The following SLC14A2 variants were observed in gnomAD, a reference collection of about 807,000 sequenced individuals.
The protein encoded by SLC14A2 is solute carrier family 14 member 2.
In SLC14A2, 91 loss-of-function variants were observed where a neutral mutation model predicts 104.6. The observed-to-expected ratio is 0.87, with a 90% CI of 0.73 to 1.04. The LOEUF is 1.04. Ranked by LOEUF, SLC14A2 falls within the 50% of genes least tolerant of loss-of-function variation. The pLI is 0.00. For synonymous variants in SLC14A2, 476 were observed against 466.4 expected (o/e 1.02, Z -0.27); for missense variants, 1,189 against 1,156.0 (o/e 1.03, Z -0.41).
intron 1 of SLC14A2, among the ~76,000 whole-genome samples, chr18:45,411,380 A>T (rs1241883035): frequency 6.6e-6 from 1 of 152,228 alleles, no homozygotes; most frequent in Non-Finnish European, 1.5e-5. Context: ...ACACAAAGGA[A>T]TTAGCCTTAG....
At chr18:45,208,803 C>G (rs1440428787), upstream of SLC14A2, among the ~76,000 whole-genome samples, 1 of 151,666 alleles carries the variant, frequency 6.6e-6, no homozygotes, top group Non-Finnish European at 1.5e-5. Context: ...GAGAATCAAT[C>G]AGATAGAAAA....
At position 45,308,012 on chromosome 18, in the gene SLC14A2, G is replaced by A. The variant is rs79628501; in HGVS notation, c.-125+94821G>A. On this transcript the variant is annotated intron_variant, in intron 1 of 20. Transcript: ENST00000586448. ...CATCACATGGCAAGAATGGGAGCCC[G>A]AGAGAGATGAGAGAGGGGCCACGCT... is the stretch of plus-strand genomic sequence containing the variant. Among the ~76,000 whole-genome samples, 635 of 152,238 alleles carry A rather than the reference G, an allele frequency of 4.2e-3. 3 individuals carry two copies. Among genetic ancestry groups the A allele is most frequent in the African/African-American group, 0.015 (608 of 41,526 alleles).
chr18:45,258,003 T>C (rs1335365800), intron 1 of SLC14A2, among the ~76,000 whole-genome samples: 1 of 152,196 alleles, frequency 6.6e-6, no homozygotes, highest in East Asian at 1.9e-4. Flanking sequence ...TAGTCACAAC[T>C]GTCATGAGCA....
chr18:45,262,066 C>T (rs1039069807), intron 1 of SLC14A2, among the ~76,000 whole-genome samples: 36 of 152,228 alleles, frequency 2.4e-4, no homozygotes, highest in Admixed American at 3.9e-4. Context: ...CTCTCCAGCA[C>T]CTGTTGTTTC....
chr18:45,238,792 T>G (rs538517729), intron 1 of SLC14A2, among the ~76,000 whole-genome samples: 1 of 152,316 alleles, frequency 6.6e-6, no homozygotes, highest in Admixed American at 6.5e-5. Context: ...CACATTGTTG[T>G]TTCTAATTTC....
chr18:45,664,117 A>G (rs1271048743), intron 11 of SLC14A2, among the ~76,000 whole-genome samples: 2 of 152,142 alleles, frequency 1.3e-5, no homozygotes, highest in Non-Finnish European at 2.9e-5. Flanking sequence ...TGGGACAGGC[A>G]GTGAGATTCT....
chr18:45,335,024 T>C (rs541626370), intron 1 of SLC14A2, among the ~76,000 whole-genome samples: 21 of 152,254 alleles, frequency 1.4e-4, no homozygotes, highest in South Asian at 4.1e-4. Context: ...TTTAAACAGC[T>C]GTACAGAAGT....
At chr18:45,609,671 C>T (rs2044938374) in intron 2 of SLC14A2, among the ~76,000 whole-genome samples, 1 of 152,228 alleles carries the variant, frequency 6.6e-6, no homozygotes, top group Admixed American at 6.5e-5. Context: ...TCTCTCCTCT[C>T]TATTCTCTTG....
At chr18:45,382,522 C>T (rs183688780) in intron 1 of SLC14A2, among the ~76,000 whole-genome samples, 78 of 152,340 alleles carry the variant, frequency 5.1e-4, no homozygotes, top group African/African-American at 1.7e-3. Flanking sequence ...TCTGACTCTT[C>T]TGTAGTACTT....
At chr18:45,492,513 G>A (rs1320580027) in intron 2 of SLC14A2, among the ~76,000 whole-genome samples, 3 of 152,112 alleles carry the variant, frequency 2.0e-5, no homozygotes, top group South Asian at 2.1e-4. Flanking sequence ...TCACTATCAC[G>A]AAAACAGCAT....
intron 2 of SLC14A2, among the ~76,000 whole-genome samples, chr18:45,547,639 C>T (rs1019799742): frequency 2.6e-5 from 4 of 152,182 alleles, no homozygotes; most frequent in Non-Finnish European, 5.9e-5. Flanking sequence ...ATCTTGGGCT[C>T]ATTTAGTCTC....
chr18:45,422,630 G>A (rs1042605148), intron 1 of SLC14A2, among the ~76,000 whole-genome samples: 1 of 152,152 alleles, frequency 6.6e-6, no homozygotes, highest in African/African-American at 2.4e-5. Context: ...AACATGGACA[G>A]GTGAGGCCTC....
intron 1 of SLC14A2, among the ~76,000 whole-genome samples, chr18:45,293,685 G>A: frequency 6.6e-6 from 1 of 152,304 alleles, no homozygotes; most frequent in African/African-American, 2.4e-5. Flanking sequence ...GGGATTCCAG[G>A]TTTGTAAGAT....
chr18:45,484,643 C>A (rs1370912565), intron 2 of SLC14A2, among the ~76,000 whole-genome samples: 1 of 152,188 alleles, frequency 6.6e-6, no homozygotes, highest in African/African-American at 2.4e-5. Context: ...TTGTTCTCCA[C>A]TGGAAGTGGT....
chr18:45,556,123 C>T (rs1439100542), intron 2 of SLC14A2, among the ~76,000 whole-genome samples: 2 of 152,288 alleles, frequency 1.3e-5, no homozygotes, highest in East Asian at 3.9e-4. Flanking sequence ...GTTACATGCT[C>T]ATGTGGTGAA....
chr18:45,332,236 G>T (rs916303880), intron 1 of SLC14A2, among the ~76,000 whole-genome samples: 8 of 152,088 alleles, frequency 5.3e-5, no homozygotes, highest in African/African-American at 1.9e-4. Flanking sequence ...TACATCTGTA[G>T]ATTCAACCAA....
intron 2 of SLC14A2, among the ~76,000 whole-genome samples, chr18:45,571,838 A>G (rs575145047): frequency 1.3e-5 from 2 of 152,350 alleles, no homozygotes; most frequent in South Asian, 4.1e-4. Context: ...ACATTTTCTC[A>G]TTGAGTAAAA....
intron 1 of SLC14A2, among the ~76,000 whole-genome samples, chr18:45,366,702 C>G (rs1288579733): frequency 6.6e-6 from 1 of 152,182 alleles, no homozygotes; most frequent in Non-Finnish European, 1.5e-5. Context: ...ATCCCTCTCT[C>G]CCACTTCCTT....
chr18:45,447,993 A>G (rs1568210188), intron 1 of SLC14A2, among the ~76,000 whole-genome samples: 1 of 152,250 alleles, frequency 6.6e-6, no homozygotes, highest in African/African-American at 2.4e-5. Flanking sequence ...GTTGTAAAAT[A>G]ATCACAGACT....
Sources: allele counts gnomAD v4.1 joint callset (sites outside exome capture counted in the v4.1 genomes callset), GRCh38; gene constraint gnomAD v4.1.1; transcripts MANE v1.5; gene names NCBI Gene and HGNC (gene_info 2026-07-23, HGNC 2026-07-21).